The following PHF19 variants were observed in gnomAD, a reference collection of about 807,000 sequenced individuals.
The protein encoded by PHF19 is PHD finger protein 19.
In PHF19, 21 loss-of-function variants were observed where a neutral mutation model predicts 79.8. The ratio of observed to expected loss-of-function variants is 0.26; its 90% CI spans 0.19 to 0.38. PHF19 has a LOEUF of 0.38. Among genes scored for constraint, PHF19 ranks in the 10% least tolerant of loss-of-function variants. The pLI is 1.00. For missense variants in PHF19, 445 were observed against 744.2 expected (o/e 0.60, Z 4.68); for synonymous variants, 273 against 296.3 (o/e 0.92, Z 0.81).
chr9:120,895,959 TAC>T (rs2131605105), upstream of PHF19, among the ~76,000 whole-genome samples: 1 of 152,322 alleles, frequency 6.6e-6, no homozygotes, highest in South Asian at 2.1e-4. Flanking sequence ...GGCCAAATTA[TAC>T]ACTTTAAGTG....
intron 1 of PHF19, chr9:120,894,758 C>A: frequency 1.7e-6 from 2 of 1,206,226 alleles, no homozygotes; most frequent in Non-Finnish European, 2.1e-6. Flanking sequence ...GCGCCCGCCC[C>A]GCGGGTTCTT....
chr9:120,890,172 T>C (rs2046322206), intron 1 of PHF19, among the ~76,000 whole-genome samples: 2 of 152,076 alleles, frequency 1.3e-5, no homozygotes, highest in Admixed American at 1.3e-4. Flanking sequence ...GTGATTATCA[T>C]CATCCTTTTA....
intron 3 of PHF19, among the ~76,000 whole-genome samples, chr9:120,871,387 A>AT (rs1302479085): frequency 1.2e-4 from 18 of 152,360 alleles, no homozygotes; most frequent in African/African-American, 4.3e-4. Context: ...TTTAAAAAAC[A>AT]TAATTAAAAC....
At chr9:120,901,826 C>G in the PHF19 span, among the ~76,000 whole-genome samples, 1 of 152,190 alleles carries the variant, frequency 6.6e-6, no homozygotes, top group African/African-American at 2.4e-5. Context: ...CCAGTCAAGT[C>G]TGACTGGCCG....
At chr9:120,896,690 T>C (rs2131606168), upstream of PHF19, among the ~76,000 whole-genome samples, 2 of 152,176 alleles carry the variant, frequency 1.3e-5, no homozygotes, top group Non-Finnish European at 2.9e-5. Context: ...CCTGACCTCG[T>C]GATCCGCCCG....
upstream of PHF19, among the ~76,000 whole-genome samples, chr9:120,877,495 G>T (rs1335048009): frequency 2.0e-5 from 3 of 150,304 alleles, no homozygotes; most frequent in East Asian, 5.8e-4. Flanking sequence ...CAGGACCCGG[G>T]CCCCCCGCCG....
At chr9:120,889,506 C>T (rs980831596) in intron 1 of PHF19, among the ~76,000 whole-genome samples, 2 of 151,174 alleles carry the variant, frequency 1.3e-5, no homozygotes, top group African/African-American at 2.4e-5. Context: ...ATTGGGAAGC[C>T]GAGGTAGGAA....
Position 120,862,807 on chromosome 9 carries a change from G to A in PHF19, c.969-58C>T. On this transcript the variant is annotated intron_variant, in intron 10 of 14. Transcript: ENST00000373896. This position sits in a 1 kb window ranked among gnomAD's most constrained non-coding sequence, Gnocchi z 4.6. ...GAGTCTGTCAGTCCATCCTCCTGGG[G>A]AGTGGGGTCAAGCATGACACAAGCC... 3.2e-6 allele frequency: 5 copies of A among 1,543,948 alleles called. No homozygotes were observed. Among genetic ancestry groups the A allele is most frequent in the Non-Finnish European group, 3.6e-6 (4 of 1,118,564 alleles).
chr9:120,903,962 T>C, the PHF19 span: 1 of 152,228 alleles, frequency 6.6e-6, no homozygotes, highest in Non-Finnish European at 1.5e-5. Context: ...TTAGGAAAAC[T>C]TCGAAAGAGA....
At chr9:120,902,511 T>TG in the PHF19 span, 562 of 64,556 alleles carry the variant, frequency 8.7e-3, 5 homozygotes, top group South Asian at 0.019. Context: ...GGGCGGGGGG[T>TG]GGGGGGGGGG....
chr9:120,874,770 A>C lies in PHF19; in HGVS notation c.-15-14T>G. 1.3e-6 allele frequency: 2 copies of C among 1,589,656 alleles called. No homozygotes were observed. Among genetic ancestry groups the C allele is most frequent in the Non-Finnish European group, 1.7e-6 (2 of 1,161,166 alleles). ...CTTCCCCTGACACTGGGAGAGAAAG[A>C]ACAGGGTTTTTGCTTCTTGCTTCCC... is the stretch of plus-strand genomic sequence containing the variant. On this transcript the variant is annotated splice_polypyrimidine_tract_variant and intron_variant, in intron 1 of 14. Coordinates refer to ENST00000373896, the MANE Select transcript of PHF19 (RefSeq NM_015651.3). The surrounding 1 kb of genome is among the most constrained non-coding windows in gnomAD (Gnocchi z 4.5).
At chr9:120,878,059 G>T (rs2046117149), upstream of PHF19, among the ~76,000 whole-genome samples, 1 of 152,128 alleles carries the variant, frequency 6.6e-6, no homozygotes, top group Admixed American at 6.5e-5. Context: ...GGAATTCAGT[G>T]GGCTAACAAT....
chr9:120,883,857 C>T (rs1289831861), intron 1 of PHF19, among the ~76,000 whole-genome samples: 2 of 151,560 alleles, frequency 1.3e-5, no homozygotes, highest in African/African-American at 4.8e-5. Flanking sequence ...GGGAGGGTGT[C>T]GAGACAAGGA....
intron 6 of PHF19, chr9:120,868,617 A>T: frequency 5.7e-6 from 1 of 176,418 alleles, no homozygotes; most frequent in Non-Finnish European, 1.1e-5. Context: ...CCTGCTCCAC[A>T]GTGCTAGATG....
intron 1 of PHF19, among the ~76,000 whole-genome samples, chr9:120,875,061 G>A (rs1249181705): frequency 6.6e-6 from 1 of 152,152 alleles, no homozygotes; most frequent in Non-Finnish European, 1.5e-5. Context: ...CCTACCCAGC[G>A]GGCCTGAACC....
In PHF19 at chr9:120,866,338, G is replaced by A. The variant is rs2045700470; in HGVS notation, c.711-242C>T. 6.6e-6 allele frequency among the ~76,000 whole-genome samples: 1 copy of A among 152,172 alleles called. No individual in the cohort carries two copies. The highest frequency in any genetic ancestry group is 2.1e-4 in the South Asian group (1 of 4,828). On this transcript the variant is annotated intron_variant, in intron 7 of 14. Coordinates refer to ENST00000373896, the MANE Select transcript of PHF19 (RefSeq NM_015651.3). This position sits in a 1 kb window ranked among gnomAD's most constrained non-coding sequence, Gnocchi z 5.2. ...GCCCTGAAGCGTGGCTGAGTTCACA[G>A]AGAGTGAGCTGAGCTAGGCTGGGCT...
intron 1 of PHF19, among the ~76,000 whole-genome samples, chr9:120,883,454 T>C (rs1242138792): frequency 6.6e-6 from 1 of 152,216 alleles, no homozygotes; most frequent in Non-Finnish European, 1.5e-5. Context: ...ATGCAGCCTT[T>C]GATCTCAGGA....
Position 120,871,059 on chromosome 9 carries a change from C to T in PHF19, c.269-521G>A, listed in dbSNP as rs548313877. 1.8e-3 allele frequency among the ~76,000 whole-genome samples: 280 copies of T among 152,338 alleles called. 3 individuals are homozygous for T. The highest frequency in any genetic ancestry group is 6.4e-3 in the African/African-American group (267 of 41,576). ...CTGAGATTGCAGGTGCATGCCACCA[C>T]ACCCAGCTACTTTTTACATTTTTAG... On this transcript the variant is annotated intron_variant, in intron 3 of 14. Coordinates refer to ENST00000373896, the MANE Select transcript of PHF19 (RefSeq NM_015651.3).
chr9:120,868,848 C>T, intron 6 of PHF19: 1 of 1,078,956 alleles, frequency 9.3e-7, no homozygotes, highest in Non-Finnish European at 1.1e-6. Flanking sequence ...CCCGCCAGGC[C>T]CGCCTCCCGA....
Sources: allele counts gnomAD v4.1 joint callset (sites outside exome capture counted in the v4.1 genomes callset), GRCh38; gene constraint gnomAD v4.1.1; non-coding constraint Gnocchi (gnomAD v3.1); transcripts MANE v1.5; gene names NCBI Gene and HGNC (gene_info 2026-07-23, HGNC 2026-07-21).